Variants in LRRC4C observed in about 807,000 individuals in gnomAD.
The protein encoded by LRRC4C is leucine rich repeat containing 4C.
A neutral mutation model predicts 33.6 loss-of-function variants in LRRC4C; 5 were observed. That is an observed-to-expected ratio of 0.15 (90% CI 0.08 to 0.31). The LOEUF (loss-of-function observed/expected upper bound fraction) is 0.31. LRRC4C is among the 10% of genes least tolerant of loss of function. The pLI is 1.00. For missense variants in LRRC4C, 560 were observed against 796.7 expected, an observed-to-expected ratio of 0.70 and a Z score of 3.58; for synonymous variants, 329 against 302.0, an observed-to-expected ratio of 1.09 and a Z score of -0.93.
intron 1 of LRRC4C, among the ~76,000 whole-genome samples, chr11:41,277,621 G>T (rs1399733325): frequency 6.6e-6 from 1 of 152,076 alleles, no homozygotes; most frequent in Non-Finnish European, 1.5e-5. Context: ...AAGCCCAAAT[G>T]CTGACAACTG....
At chr11:40,436,557 G>T (rs1951147656) in intron 3 of LRRC4C, among the ~76,000 whole-genome samples, 1 of 152,152 alleles carries the variant, frequency 6.6e-6, no homozygotes, top group South Asian at 2.1e-4. Context: ...CTCCTGTCCT[G>T]CTTGAAGAGC....
intron 3 of LRRC4C, among the ~76,000 whole-genome samples, chr11:40,504,824 T>C (rs1954953659): frequency 6.6e-6 from 1 of 152,176 alleles, no homozygotes; most frequent in Non-Finnish European, 1.5e-5. Flanking sequence ...CTGGACAAAA[T>C]CATGACAAGA....
At chr11:41,270,284 T>C (rs569094132) in intron 1 of LRRC4C, among the ~76,000 whole-genome samples, 1 of 152,154 alleles carries the variant, frequency 6.6e-6, no homozygotes, top group Non-Finnish European at 1.5e-5. Flanking sequence ...TCCTTGACTA[T>C]AGCAATTTTG....
intron 3 of LRRC4C, among the ~76,000 whole-genome samples, chr11:40,337,560 T>C (rs1378346577): frequency 6.6e-6 from 1 of 152,170 alleles, no homozygotes; most frequent in Non-Finnish European, 1.5e-5. Context: ...TCTGCAAGCA[T>C]TGTTTTATGA....
intron 4 of LRRC4C, among the ~76,000 whole-genome samples, chr11:40,279,400 G>A (rs570890651): frequency 1.5e-4 from 23 of 152,048 alleles, no homozygotes; most frequent in Admixed American, 2.6e-4. Flanking sequence ...ACACCATTGC[G>A]CATTCAGAAA....
chr11:40,480,362 AATAAAAATAAAT>A (rs1431557019), intron 3 of LRRC4C, among the ~76,000 whole-genome samples: 18 of 151,488 alleles, frequency 1.2e-4, no homozygotes, highest in Non-Finnish European at 1.9e-4. Flanking sequence ...TAAAAATAAA[AATAAAAATAAAT>A]AAATAAATAA....
chr11:41,106,297 C>A (rs1172667551), intron 1 of LRRC4C, among the ~76,000 whole-genome samples: 1 of 151,534 alleles, frequency 6.6e-6, no homozygotes, highest in Non-Finnish European at 1.5e-5. Context: ...TGGGGTATAG[C>A]AGAGGCAGCA....
chr11:40,674,299 G>A (rs111735259), intron 2 of LRRC4C, among the ~76,000 whole-genome samples: 23 of 152,266 alleles, frequency 1.5e-4, no homozygotes, highest in East Asian at 1.2e-3. Flanking sequence ...TGGCAGCTCC[G>A]TTCCAGTCAA....
chr11:40,269,412 C>A (rs1047276291), intron 4 of LRRC4C, among the ~76,000 whole-genome samples: 1 of 152,042 alleles, frequency 6.6e-6, no homozygotes, highest in Non-Finnish European at 1.5e-5. Flanking sequence ...TTAGAGTAAC[C>A]ATTATTTCTA....
intron 1 of LRRC4C, among the ~76,000 whole-genome samples, chr11:41,111,426 C>A (rs556224120): frequency 6.6e-6 from 1 of 152,156 alleles, no homozygotes; most frequent in South Asian, 2.1e-4. Context: ...GAATTCATAA[C>A]CACCGCTCTG....
At chr11:40,292,322 A>G (rs1262197206) in intron 4 of LRRC4C, 1 of 152,160 alleles carries the variant, frequency 6.6e-6, no homozygotes, top group Non-Finnish European at 1.5e-5. Flanking sequence ...GAAAAATCCA[A>G]CTGCAATTAT....
chr11:40,413,715 ATGT>A, intron 3 of LRRC4C, among the ~76,000 whole-genome samples: 1 of 152,260 alleles, frequency 6.6e-6, no homozygotes, highest in East Asian at 1.9e-4. Context: ...AATGAAGTGA[ATGT>A]TGTTTCAAAG....
At chr11:41,446,791 AT>A (rs1350799265) in intron 1 of LRRC4C, among the ~76,000 whole-genome samples, 1 of 152,110 alleles carries the variant, frequency 6.6e-6, no homozygotes, top group Non-Finnish European at 1.5e-5. Flanking sequence ...TTATTTTTCT[AT>A]TTATCTCAGA....
intron 1 of LRRC4C, among the ~76,000 whole-genome samples, chr11:41,050,607 A>G (rs114103571): frequency 0.017 from 2,657 of 152,158 alleles, 100 homozygotes; most frequent in African/African-American, 0.06. Context: ...CCTTGTCCCC[A>G]CTAAGGATAT....
intron 2 of LRRC4C, among the ~76,000 whole-genome samples, chr11:40,757,386 C>T (rs575349239): frequency 6.6e-6 from 1 of 152,140 alleles, no homozygotes; most frequent in South Asian, 2.1e-4. Flanking sequence ...CATCAGTACC[C>T]ATGGATGAAT....
intron 3 of LRRC4C, among the ~76,000 whole-genome samples, chr11:40,602,695 A>T (rs1405981485): frequency 6.6e-6 from 1 of 152,244 alleles, no homozygotes. Flanking sequence ...GTGCATCCAC[A>T]TGATGAGGAC....
intron 1 of LRRC4C, among the ~76,000 whole-genome samples, chr11:41,053,791 CT>C (rs1266525865): frequency 1.3e-5 from 2 of 152,090 alleles, no homozygotes; most frequent in Non-Finnish European, 2.9e-5. Flanking sequence ...TAATATGTTT[CT>C]TTTTATGTTT....
intron 1 of LRRC4C, among the ~76,000 whole-genome samples, chr11:40,964,788 G>T (rs568797025): frequency 1.3e-5 from 2 of 151,784 alleles, no homozygotes; most frequent in African/African-American, 4.8e-5. Flanking sequence ...CATTTGGGTT[G>T]GTTCCAAGTC....
At chr11:40,290,041 G>GATAT (rs144062832) in intron 4 of LRRC4C, among the ~76,000 whole-genome samples, 5 of 151,152 alleles carry the variant, frequency 3.3e-5, no homozygotes, top group Admixed American at 1.3e-4. Flanking sequence ...GTCAACAAAA[G>GATAT]ATATATATAT....
Sources: gnomAD v4.1 joint callset for allele counts (sites outside exome capture counted in the v4.1 genomes callset) on GRCh38, gnomAD v4.1.1 for gene constraint, MANE v1.5 for transcripts, NCBI Gene and HGNC (gene_info 2026-07-23, HGNC 2026-07-21) for gene names.